NUAK1: variants seen among roughly 807,000 people sequenced by gnomAD.
NUAK1 encodes the protein NUAK family kinase 1.
NUAK1 carries 26 observed loss-of-function variants against 56.9 expected under a neutral mutation model. That is an observed-to-expected ratio of 0.46 (90% CI 0.33 to 0.63). The LOEUF (loss-of-function observed/expected upper bound fraction) is 0.63. Ranked by LOEUF, NUAK1 falls within the 30% of genes least tolerant of loss-of-function variation. NUAK1 has a pLI of 0.02. For missense variants in NUAK1, 727 were observed against 876.1 expected, an observed-to-expected ratio of 0.83 and a Z score of 2.15; for synonymous variants, 337 against 336.0, an observed-to-expected ratio of 1.00 and a Z score of -0.03.
chr12:106,136,304 A>C (rs750633711), intron 1 of NUAK1, among the ~76,000 whole-genome samples: 2 of 152,226 alleles, frequency 1.3e-5, no homozygotes, highest in East Asian at 3.8e-4. Flanking sequence ...GGGCTGAACA[A>C]TAACACAGCG....
intron 1 of NUAK1, among the ~76,000 whole-genome samples, chr12:106,109,324 G>C (rs2032835574): frequency 1.3e-5 from 2 of 152,138 alleles, no homozygotes; most frequent in Admixed American, 6.5e-5. Flanking sequence ...AGGGATCTTT[G>C]CACCCTTCTC....
rs141173369 is a variant in NUAK1 at position 106,117,778 on chromosome 12, T to C, written c.241-11253A>G. ...CAAACTATTTACCTGCCACTGTCCA[T>C]GCTACACAATGACAGTCAGTATATA... On this transcript the variant is annotated intron_variant, in intron 1 of 6. Coordinates refer to ENST00000261402, the MANE Select transcript of NUAK1 (RefSeq NM_014840.3). 2.8e-3 allele frequency among the ~76,000 whole-genome samples: 424 copies of C among 152,284 alleles called. 2 individuals are homozygous for C. The highest frequency in any genetic ancestry group is 9.8e-3 in the African/African-American group (407 of 41,556).
intron 1 of NUAK1, among the ~76,000 whole-genome samples, chr12:106,136,176 T>C (rs1187121067): frequency 6.6e-6 from 1 of 152,172 alleles, no homozygotes; most frequent in Non-Finnish European, 1.5e-5. Context: ...AAACGAAGCA[T>C]TTTAGAGACT....
chr12:106,122,269 C>A (rs999072879), intron 1 of NUAK1, among the ~76,000 whole-genome samples: 2 of 152,142 alleles, frequency 1.3e-5, no homozygotes, highest in Non-Finnish European at 2.9e-5. Flanking sequence ...TAAAAAGGCA[C>A]ACTGGGCATT....
At chr12:106,114,501 G>A (rs1037482429) in intron 1 of NUAK1, among the ~76,000 whole-genome samples, 3 of 152,182 alleles carry the variant, frequency 2.0e-5, no homozygotes, top group Non-Finnish European at 2.9e-5. Flanking sequence ...TAGTACCTAC[G>A]GCAGAAGCCA....
At chr12:106,126,565 G>A (rs561013015) in intron 1 of NUAK1, among the ~76,000 whole-genome samples, 2 of 152,322 alleles carry the variant, frequency 1.3e-5, no homozygotes, top group Admixed American at 1.3e-4. Flanking sequence ...AGATGACACA[G>A]GCAAATTACT....
chr12:106,121,383 G>A (rs1565927485), intron 1 of NUAK1, among the ~76,000 whole-genome samples: 1 of 152,112 alleles, frequency 6.6e-6, no homozygotes, highest in Non-Finnish European at 1.5e-5. Context: ...TCTTTTCAAG[G>A]TTCTCCCACG....
intron 1 of NUAK1, among the ~76,000 whole-genome samples, chr12:106,131,775 A>C (rs2033081288): frequency 6.6e-6 from 1 of 152,184 alleles, no homozygotes; most frequent in African/African-American, 2.4e-5. Context: ...TGGTTTTCAC[A>C]TGCAGTTAAA....
rs187597316 is a variant in NUAK1, at chr12:106,118,462, A to G, written c.241-11937T>C. Among the ~76,000 whole-genome samples, 4 of 152,326 alleles carry G rather than the reference A, an allele frequency of 2.6e-5. No individual in the cohort carries two copies. In the East Asian group the frequency reaches 7.7e-4, roughly 29 times the overall value. On this transcript the variant is annotated intron_variant, in intron 1 of 6. Transcript: ENST00000261402. ...GATGCTTCCTTTCTCTGGAATGTAA[A>G]GCCTTGGGGGAAACTAGCTCAGATA...
intron 6 of NUAK1, among the ~76,000 whole-genome samples, chr12:106,069,112 C>T (rs768464233): frequency 7.2e-5 from 11 of 152,114 alleles, no homozygotes; most frequent in Admixed American, 2.0e-4. Flanking sequence ...CACATACAAC[C>T]GTCTAGCCTG....
intron 2 of NUAK1, among the ~76,000 whole-genome samples, chr12:106,096,644 C>T (rs977690328): frequency 7.9e-5 from 12 of 152,158 alleles, no homozygotes; most frequent in African/African-American, 2.2e-4. Context: ...AACTGTTTCA[C>T]GGGGCTCTGA....
intron 1 of NUAK1, among the ~76,000 whole-genome samples, chr12:106,134,938 T>C (rs546152479): frequency 6.6e-6 from 1 of 152,306 alleles, no homozygotes; most frequent in East Asian, 1.9e-4. Flanking sequence ...ATTTCTTCTA[T>C]CTCTCTCTGC....
chr12:106,104,966 T>A (rs557121174), intron 2 of NUAK1, among the ~76,000 whole-genome samples: 1 of 152,028 alleles, frequency 6.6e-6, no homozygotes, highest in Non-Finnish European at 1.5e-5. Flanking sequence ...TCTTTTTTTT[T>A]TTTTTTAAAC....
intron 2 of NUAK1, 106 bp downstream of exon 2, chr12:106,106,299 T>C: frequency 9.6e-7 from 1 of 1,037,324 alleles, no homozygotes; most frequent in East Asian, 2.6e-5. Context: ...TGAGGAAAAA[T>C]ACTTGGCTTC....
intron 1 of NUAK1, among the ~76,000 whole-genome samples, chr12:106,108,743 A>G (rs1383321211): frequency 2.0e-5 from 3 of 152,188 alleles, no homozygotes; most frequent in African/African-American, 7.2e-5. Flanking sequence ...TCTATTGTCA[A>G]GTTACAATAG....
At chr12:106,130,053 C>T (rs1592864497) in intron 1 of NUAK1, among the ~76,000 whole-genome samples, 2 of 152,226 alleles carry the variant, frequency 1.3e-5, no homozygotes, top group East Asian at 3.9e-4. Flanking sequence ...GCGATCCTGA[C>T]TCACTGCAAC....
rs1360219204 is a variant in NUAK1 at position 106,065,571 on chromosome 12, CT to C, written c.*1230del. 1.3e-5 allele frequency: 2 copies of C among 152,168 alleles called. No homozygotes were observed. The highest frequency in any genetic ancestry group is 2.9e-5 in the Non-Finnish European group (2 of 68,028). 9.4% of individuals were successfully genotyped at this position (152,168 alleles called of 1,614,324 possible). On this transcript the variant is annotated 3_prime_UTR_variant, in exon 7 of 7. Transcript: ENST00000261402. The stretch of plus-strand genomic sequence containing the variant: ...AAAAAGCACCATCTACCTGATTTTC[CT>C]TTCCTCATCCCAATATCCCATCTAC...
rs1245377165 is a variant in NUAK1, at chr12:106,120,767, C to T, written c.241-14242G>A. Among the ~76,000 whole-genome samples the T allele has an allele frequency of 2.6e-5, 4 of 152,206 alleles. No individual in the cohort carries two copies. In the East Asian group the frequency reaches 5.8e-4, roughly 22 times the overall value. On this transcript the variant is annotated intron_variant, in intron 1 of 6. Coordinates refer to ENST00000261402, the MANE Select transcript of NUAK1 (RefSeq NM_014840.3). ...TATGACGCAAGATAGCAAGAGGTCT[C>T]GGCCCAGGTCCAGTGCAATGGCTTC...
chr12:106,125,655 A>C (rs544071836), intron 1 of NUAK1, among the ~76,000 whole-genome samples: 1 of 152,308 alleles, frequency 6.6e-6, no homozygotes, highest in African/African-American at 2.4e-5. Context: ...CTTCCTACAC[A>C]ACCAAATAAG....
Sources: gnomAD v4.1 joint callset for allele counts (sites outside exome capture counted in the v4.1 genomes callset) on GRCh38, gnomAD v4.1.1 for gene constraint, MANE v1.5 for transcripts, NCBI Gene and HGNC (gene_info 2026-07-23, HGNC 2026-07-21) for gene names.